Variants in UBA5 observed in about 807,000 individuals in gnomAD.
The protein encoded by UBA5 is ubiquitin-like modifier-activating enzyme 5.
UBA5 carries 28 observed loss-of-function variants against 52.9 expected under a neutral mutation model. The ratio of observed to expected loss-of-function variants is 0.53; its 90% CI spans 0.39 to 0.73. UBA5 has a LOEUF of 0.73. Ranked by LOEUF, UBA5 falls within the 30% of genes least tolerant of loss-of-function variation. UBA5 has a pLI of 0.00. For synonymous variants in UBA5, 135 were observed against 162.1 expected, an observed-to-expected ratio of 0.83 and a Z score of 1.27; for missense variants, 388 against 492.7, an observed-to-expected ratio of 0.79 and a Z score of 2.01.
Position 132,676,749 on chromosome 3 carries a change from G to C in UBA5, c.*223G>C. 5.2e-6 allele frequency: 3 copies of C among 579,520 alleles called. No individual in the cohort carries two copies. Among genetic ancestry groups the C allele is most frequent in the South Asian group, 4.6e-5 (3 of 65,276 alleles). The allele number at this position is 579,520 out of a possible 1,614,324, so 35.9% of individuals were successfully genotyped here. A position where few individuals can be genotyped will look rare whatever the true frequency, so the allele number is the denominator to read the frequency against. ...TCATTCTAGTAAGAAAACCTCAAAG[G>C]ATATTGTAGGATATAAATCTTACTT... On this transcript the variant is annotated 3_prime_UTR_variant, in exon 12 of 12. Transcript: ENST00000356232. The surrounding 1 kb of genome is among the most constrained non-coding windows in gnomAD (Gnocchi z 4.1).
chr3:132,655,303 G>A (rs544206468), intron 1 of UBA5, among the ~76,000 whole-genome samples: 1 of 151,994 alleles, frequency 6.6e-6, no homozygotes, highest in Non-Finnish European at 1.5e-5. Context: ...CAGAGATTCT[G>A]TTTTTTTTGT....
chr3:132,670,102 G>A, intron 4 of UBA5, 96 bp from the exon 5 acceptor site: 1 of 650,356 alleles, frequency 1.5e-6, no homozygotes, highest in East Asian at 3.2e-5. Flanking sequence ...ATAGCTCGCT[G>A]TAGCCTTGAA....
chr3:132,672,270 C>T (rs1938637590), intron 8 of UBA5, 93 bp downstream of exon 8: 8 of 1,408,752 alleles, frequency 5.7e-6, no homozygotes, highest in Non-Finnish European at 7.6e-6. Context: ...AAATTACAAG[C>T]TAAGTATATA....
chr3:132,655,528 C>T (rs1433368572), upstream of UBA5, among the ~76,000 whole-genome samples: 3 of 152,168 alleles, frequency 2.0e-5, no homozygotes, highest in Non-Finnish European at 4.4e-5. Flanking sequence ...ATTAGCAGTC[C>T]CCTCTGTCTG....
At chr3:132,669,998 T>C (rs1938534042) in intron 4 of UBA5, among the ~76,000 whole-genome samples, 200 bp from the exon 5 acceptor site, 1 of 152,230 alleles carries the variant, frequency 6.6e-6, no homozygotes, top group Non-Finnish European at 1.5e-5. Context: ...CAGTTTTTTC[T>C]TACTACAGCT....
chr3:132,668,455 G>A (rs1938468820), intron 3 of UBA5: 1 of 154,132 alleles, frequency 6.5e-6, no homozygotes, highest in Admixed American at 6.5e-5. Context: ...TTTAAAAAAT[G>A]GAATGAAAGG....
chr3:132,674,984 T>C (rs1938768802), intron 8 of UBA5, among the ~76,000 whole-genome samples: 1 of 152,140 alleles, frequency 6.6e-6, no homozygotes, highest in Non-Finnish European at 1.5e-5. Flanking sequence ...TTATCTTTAT[T>C]AGAGGTTCAA....
intron 8 of UBA5, among the ~76,000 whole-genome samples, chr3:132,674,943 G>A (rs925187013): frequency 1.3e-5 from 2 of 152,124 alleles, no homozygotes; most frequent in Admixed American, 6.6e-5. Context: ...TCTTGAAGTT[G>A]TTGACGTGTA....
chr3:132,672,733 T>TAAAA lies in UBA5; in HGVS notation c.812+559_812+562dup, dbSNP rs562997249. ...TAATATAAAACACATTAACAGTACT[T>TAAAA]AAAAAAGATTCTTGAAATCTGCTTT... On this transcript the variant is annotated intron_variant, in intron 8 of 11. Transcript: ENST00000356232. 1.2e-3 allele frequency among the ~76,000 whole-genome samples: 182 copies of TAAAA among 152,290 alleles called. 1 individual carries two copies. The highest frequency in any genetic ancestry group is 3.8e-3 in the African/African-American group (156 of 41,576).
chr3:132,656,895 A>T (rs944636803), upstream of UBA5, among the ~76,000 whole-genome samples: 2 of 151,858 alleles, frequency 1.3e-5, no homozygotes, highest in African/African-American at 4.8e-5. Context: ...ACAGTATAAT[A>T]AAGTTGAGCA....
chr3:132,668,721 T>C, intron 3 of UBA5, 97 bp from the exon 4 acceptor site: 1 of 746,848 alleles, frequency 1.3e-6, no homozygotes, highest in Non-Finnish European at 2.2e-6. Flanking sequence ...ATTATCAAAC[T>C]GCTAAACTAA....
In UBA5 at chr3:132,675,231, T is replaced by A. The variant is rs778278215; in HGVS notation, c.813-17T>A. Reference sequence around the variant, plus strand: ...TGTTTTAAATTTCTTTATTTAAGTCTATTTTGATTTTTCTAGGTTTCTGTT... The same window carrying A: ...TGTTTTAAATTTCTTTATTTAAGTCAATTTTGATTTTTCTAGGTTTCTGTT... On this transcript the variant is annotated splice_polypyrimidine_tract_variant and intron_variant, in intron 8 of 11. Transcript: ENST00000356232. The A allele has an allele frequency of 6.5e-7, 1 of 1,542,564 alleles. No individual in the cohort carries two copies. Among genetic ancestry groups the A allele is most frequent in the Non-Finnish European group, 8.9e-7 (1 of 1,128,774 alleles).
upstream of UBA5, chr3:132,659,638 G>C (rs1323824315): frequency 6.2e-7 from 1 of 1,610,142 alleles, no homozygotes; most frequent in Non-Finnish European, 8.5e-7. Context: ...CCTCACGTTC[G>C]GCCCCAAAGC....
chr3:132,661,086 C>T, intron 1 of UBA5: 3 of 1,189,480 alleles, frequency 2.5e-6, no homozygotes, highest in Admixed American at 2.3e-5. Flanking sequence ...ATCAATGCAT[C>T]TTAAATGGGG....
At position 132,670,418 on chromosome 3, in the gene UBA5, TTG is replaced by T. The variant is rs769565577; in HGVS notation, c.494+138_494+139del. 1.5e-3 allele frequency: 731 copies of T among 503,726 alleles called. 1 individual carries two copies. The highest frequency in any genetic ancestry group is 1.9e-3 in the Non-Finnish European group (544 of 283,304). The allele number at this position is 503,726 out of a possible 1,614,324, so 31.2% of individuals were successfully genotyped here. On this transcript the variant is annotated intron_variant, in intron 5 of 11. Transcript: ENST00000356232. ...TTCCATTTTTTTAGTACAGCAATTT[TTG>T]TGTAATTTTTATGTATTAGAATATC...
chr3:132,676,756 T>C lies in UBA5; in HGVS notation c.*230T>C. The C allele has an allele frequency of 1.7e-6, 1 of 577,286 alleles. No individual in the cohort carries two copies. Among genetic ancestry groups the C allele is most frequent in the East Asian group, 3.8e-5 (1 of 26,128 alleles). The allele number at this position is 577,286 out of a possible 1,614,324, so 35.8% of individuals were successfully genotyped here. A position where few individuals can be genotyped will look rare whatever the true frequency, so the allele number is the denominator to read the frequency against. ...AGTAAGAAAACCTCAAAGGATATTG[T>C]AGGATATAAATCTTACTTGAAAACA... On this transcript the variant is annotated 3_prime_UTR_variant, in exon 12 of 12. Coordinates refer to ENST00000356232, the MANE Select transcript of UBA5 (RefSeq NM_024818.6). The surrounding 1 kb of genome is among the most constrained non-coding windows in gnomAD (Gnocchi z 4.1).
chr3:132,665,770 T>C (rs908082283), intron 1 of UBA5, 53 bp from the exon 2 acceptor site: 2 of 1,518,600 alleles, frequency 1.3e-6, no homozygotes, highest in East Asian at 2.3e-5. Context: ...CTATTTGTAT[T>C]ACTAATACCT....
intron 1 of UBA5, among the ~76,000 whole-genome samples, chr3:132,663,104 A>G (rs1340478194): frequency 6.6e-6 from 1 of 152,122 alleles, no homozygotes; most frequent in Admixed American, 6.5e-5. Context: ...TAGAGAAGGG[A>G]TGGGTGAAGG....
At chr3:132,674,324 C>T (rs1938736884) in intron 8 of UBA5, among the ~76,000 whole-genome samples, 1 of 152,068 alleles carries the variant, frequency 6.6e-6, no homozygotes, top group Non-Finnish European at 1.5e-5. Flanking sequence ...TATGTTAGTG[C>T]AAAGGTAATT....
Sources: gnomAD v4.1 joint callset for allele counts (sites outside exome capture counted in the v4.1 genomes callset) on GRCh38, gnomAD v4.1.1 for gene constraint, Gnocchi (gnomAD v3.1) non-coding constraint, MANE v1.5 for transcripts, NCBI Gene and HGNC (gene_info 2026-07-23, HGNC 2026-07-21) for gene names.